The following ROBO2 variants were observed in gnomAD, a reference collection of about 807,000 sequenced individuals.
The protein encoded by ROBO2 is roundabout homolog 2.
Under a neutral mutation model 160.8 loss-of-function variants are expected in ROBO2, and 53 were observed. The observed-to-expected ratio is 0.33, with a 90% CI of 0.26 to 0.41. ROBO2 has a LOEUF of 0.41. ROBO2 is among the 10% of genes least tolerant of loss of function. ROBO2 has a pLI of 1.00. For missense variants in ROBO2, 1,577 were observed against 1,722.4 expected (o/e 0.92, Z 1.49); for synonymous variants, 664 against 611.7 (o/e 1.09, Z -1.26).
chr3:77,097,946 C>G, intron 1 of ROBO2, 68 bp from the exon 2 acceptor site: 1 of 1,350,804 alleles, frequency 7.4e-7, no homozygotes, highest in Non-Finnish European at 9.9e-7. Flanking sequence ...CCATCAGGAA[C>G]CCAAGTGAAA....
At chr3:76,777,397 A>G (rs796642155) in intron 2 of ROBO2, among the ~76,000 whole-genome samples, 32 of 151,216 alleles carry the variant, frequency 2.1e-4, no homozygotes, top group African/African-American at 7.2e-4. Context: ...TGAGATAAGT[A>G]ATAACTCTAA....
intron 2 of ROBO2, among the ~76,000 whole-genome samples, chr3:76,752,163 A>T (rs1222550442): frequency 6.6e-6 from 1 of 151,960 alleles, no homozygotes; most frequent in Non-Finnish European, 1.5e-5. Context: ...GAAGCCAGAA[A>T]CCATCATTCT....
chr3:76,785,193 T>C (rs2062894283), intron 2 of ROBO2, among the ~76,000 whole-genome samples: 1 of 151,244 alleles, frequency 6.6e-6, no homozygotes, highest in African/African-American at 2.4e-5. Flanking sequence ...GATCTTCCAT[T>C]ACTAAGATTA....
At chr3:76,165,434 G>A in intron 2 of ROBO2, among the ~76,000 whole-genome samples, 1 of 151,880 alleles carries the variant, frequency 6.6e-6, no homozygotes, top group East Asian at 1.9e-4. Flanking sequence ...TTGGCTTAAG[G>A]AAATGTTGTG....
At position 77,636,889 on chromosome 3, in the gene ROBO2, C is replaced by A. The variant is rs572699571; in HGVS notation, c.3934+1846C>A. The stretch of plus-strand genomic sequence containing the variant: ...CGTATTTTTAATTTAATTCTTATAA[C>A]TTTTAAAGAATGAATTAAAATATGT... On this transcript the variant is annotated intron_variant, in intron 24 of 25. Coordinates refer to ENST00000461745, the Ensembl canonical transcript of ROBO2. Among the ~76,000 whole-genome samples, 367 of 152,200 alleles carry A rather than the reference C, an allele frequency of 2.4e-3. 1 individual carries two copies. Among genetic ancestry groups the A allele is most frequent in the Non-Finnish European group, 3.7e-3 (251 of 68,004 alleles).
In ROBO2 at chr3:75,927,608, A is replaced by G. The variant is rs578110281; in HGVS notation, c.-13-9873A>G. Among the ~76,000 whole-genome samples the G allele has an allele frequency of 1.4e-4, 22 of 152,348 alleles. No individual in the cohort carries two copies. The East Asian group carries it at 4.1e-3, about 28-fold the overall frequency. ...AACACGAGCAGGTAGCACAAAATATATGTTCCACACAGAATGCAGAACAAA... is the reference window on the plus strand; with the variant it reads ...AACACGAGCAGGTAGCACAAAATATGTGTTCCACACAGAATGCAGAACAAA... On this transcript the variant is annotated intron_variant, in intron 1 of 26. Coordinates refer to the ROBO2 transcript ENST00000487694.
chr3:76,149,332 C>T (rs952883519), intron 2 of ROBO2, among the ~76,000 whole-genome samples: 10 of 152,160 alleles, frequency 6.6e-5, no homozygotes, highest in South Asian at 2.1e-4. Flanking sequence ...AACACAAGAC[C>T]GGTTAGCTTT....
chr3:76,003,105 A>G (rs1237499862), intron 2 of ROBO2, among the ~76,000 whole-genome samples: 1 of 152,174 alleles, frequency 6.6e-6, no homozygotes. Context: ...ACTATGTCCC[A>G]TTCCTGCCAG....
intron 6 of ROBO2, chr3:77,538,966 G>A (rs569608273): frequency 2.8e-5 from 12 of 430,556 alleles, no homozygotes; most frequent in African/African-American, 1.2e-4. Flanking sequence ...CCAGGCTGGA[G>A]AGCAGTGGCA....
chr3:76,079,557 C>T (rs1181221113), intron 2 of ROBO2, among the ~76,000 whole-genome samples: 1 of 148,928 alleles, frequency 6.7e-6, no homozygotes. Context: ...AATCTCAGCT[C>T]ACTGCAACCT....
chr3:76,634,849 A>G (rs1325921268), intron 2 of ROBO2, among the ~76,000 whole-genome samples: 2 of 152,216 alleles, frequency 1.3e-5, no homozygotes, highest in African/African-American at 4.8e-5. Context: ...CAGCAGGCCC[A>G]CAAGCATTAC....
In ROBO2 at chr3:77,466,339, G is replaced by A. The variant is rs576241185; in HGVS notation, c.389-11075G>A. 3.3e-5 allele frequency among the ~76,000 whole-genome samples: 5 copies of A among 152,192 alleles called. No homozygotes were observed. The South Asian group carries it at 6.2e-4, about 19-fold the overall frequency. ...AAGACTAAGGCTAAAAAATCCACAA[G>A]CATGTGGAATATGTTTTTAAAATTC... On this transcript the variant is annotated intron_variant, in intron 2 of 25. Transcript: ENST00000461745.
intron 2 of ROBO2, among the ~76,000 whole-genome samples, chr3:76,583,197 T>C (rs138705665): frequency 1.3e-5 from 2 of 152,172 alleles, no homozygotes; most frequent in African/African-American, 2.4e-5. Context: ...TCCCTGAGGA[T>C]AGAGACTGTA....
intron 2 of ROBO2, among the ~76,000 whole-genome samples, chr3:76,830,811 TA>T (rs10666160): frequency 5.4e-4 from 72 of 132,510 alleles, no homozygotes; most frequent in Middle Eastern, 4.0e-3. Flanking sequence ...ACCTCATTTC[TA>T]AAAAAAAAAA....
intron 2 of ROBO2, among the ~76,000 whole-genome samples, chr3:76,312,288 C>T (rs1008623448): frequency 3.9e-5 from 6 of 152,064 alleles, no homozygotes; most frequent in African/African-American, 1.5e-4. Context: ...TCTGAGTCTC[C>T]CCTACCATTT....
intron 2 of ROBO2, among the ~76,000 whole-genome samples, chr3:76,922,280 C>A (rs1277431899): frequency 6.6e-6 from 1 of 152,194 alleles, no homozygotes; most frequent in Non-Finnish European, 1.5e-5. Flanking sequence ...CACTGCACTC[C>A]AGCCTGGGCG....
Position 77,324,753 on chromosome 3 carries a change from G to T in ROBO2, c.389-152661G>T, listed in dbSNP as rs367943232. ...GCCGAGATCGCGCCACTGCACTCCA[G>T]CCTAGGCGACAGAGAGAGACTCCGT... On this transcript the variant is annotated intron_variant, in intron 2 of 25. Transcript: ENST00000461745. Among the ~76,000 whole-genome samples the T allele has an allele frequency of 1.1e-3, 152 of 141,538 alleles. 1 individual carries two copies. Among genetic ancestry groups the T allele is most frequent in the African/African-American group, 3.9e-3 (148 of 37,982 alleles). The allele number at this position is 141,538 out of a possible 152,430, so 92.9% of individuals were successfully genotyped here.
Position 76,251,957 on chromosome 3 carries a change from A to G in ROBO2, c.109+314355A>G, listed in dbSNP as rs564102255. 7.9e-5 allele frequency among the ~76,000 whole-genome samples: 12 copies of G among 152,194 alleles called. No homozygotes were observed. In the South Asian group the frequency reaches 2.5e-3, roughly 32 times the overall value. On this transcript the variant is annotated intron_variant, in intron 2 of 26. Coordinates refer to the ROBO2 transcript ENST00000487694. ...TTTATAAGAAAGACAGAAAAATATC[A>G]AATAAAACAATGATATGTTGTTGCT... is the stretch of plus-strand genomic sequence containing the variant.
At chr3:76,318,615 A>G (rs2072247816) in intron 2 of ROBO2, among the ~76,000 whole-genome samples, 2 of 152,138 alleles carry the variant, frequency 1.3e-5, no homozygotes, top group South Asian at 4.1e-4. Flanking sequence ...ATGAATGCAT[A>G]GTTAAGATTG....
Sources: gnomAD v4.1 joint callset for allele counts (sites outside exome capture counted in the v4.1 genomes callset) on GRCh38, gnomAD v4.1.1 for gene constraint, MANE v1.5 for transcripts, NCBI Gene and HGNC (gene_info 2026-07-23, HGNC 2026-07-21) for gene names.